The following DNER variants were observed in gnomAD, a reference collection of about 807,000 sequenced individuals.
The protein encoded by DNER is delta/notch like EGF repeat containing, also known as delta and Notch-like epidermal growth factor-related receptor.
DNER carries 33 observed loss-of-function variants against 78.2 expected under a neutral mutation model. The observed-to-expected ratio is 0.42, with a 90% CI of 0.32 to 0.56. The LOEUF (loss-of-function observed/expected upper bound fraction) is 0.56, where lower values mean the gene tolerates loss of function less well. DNER is among the 20% of genes least tolerant of loss of function. The probability of loss-of-function intolerance (pLI) is 0.11; values close to 1 mark genes in which losing one functional copy is unlikely to be tolerated. For synonymous variants in DNER, 417 were observed against 384.8 expected, an observed-to-expected ratio of 1.08 and a Z score of -0.98; for missense variants, 918 against 975.3, an observed-to-expected ratio of 0.94 and a Z score of 0.78.
intron 1 of DNER, among the ~76,000 whole-genome samples, chr2:229,678,276 G>T (rs192840859): frequency 1.3e-5 from 2 of 152,070 alleles, no homozygotes; most frequent in African/African-American, 4.8e-5. Flanking sequence ...GTCGCTTCTC[G>T]ATTCCTTCCA....
chr2:229,524,930 G>C (rs1696178630), intron 5 of DNER, among the ~76,000 whole-genome samples: 1 of 152,192 alleles, frequency 6.6e-6, no homozygotes, highest in African/African-American at 2.4e-5. Flanking sequence ...TGAAACTCAA[G>C]ATCCTGAGAC....
At chr2:229,618,324 A>T (rs73107348) in intron 1 of DNER, among the ~76,000 whole-genome samples, 1,603 of 152,340 alleles carry the variant, frequency 0.011, 32 homozygotes, top group African/African-American at 0.037. Context: ...GGATGACAAC[A>T]GGCCAACACC....
chr2:229,418,264 G>T (rs1436166689), intron 8 of DNER, 34 bp from the exon 9 acceptor site: 1 of 1,612,868 alleles, frequency 6.2e-7, no homozygotes. Context: ...ACTGTCAAAT[G>T]CATCCCATTT....
chr2:229,693,259 C>T (rs890203797), intron 1 of DNER, among the ~76,000 whole-genome samples: 1 of 151,724 alleles, frequency 6.6e-6, no homozygotes, highest in South Asian at 2.1e-4. Context: ...GCATTTGCTT[C>T]CCCTTCCATC....
At chr2:229,555,071 A>G (rs1000560368) in intron 4 of DNER, among the ~76,000 whole-genome samples, 1 of 152,044 alleles carries the variant, frequency 6.6e-6, no homozygotes, top group Non-Finnish European at 1.5e-5. Context: ...TAAAAGTCAG[A>G]GTGAGTGGAG....
At chr2:229,659,532 A>G (rs1171499527) in intron 1 of DNER, among the ~76,000 whole-genome samples, 1 of 152,126 alleles carries the variant, frequency 6.6e-6, no homozygotes, top group Non-Finnish European at 1.5e-5. Flanking sequence ...TAAATCGGGT[A>G]CCGCTCTTAG....
intron 5 of DNER, among the ~76,000 whole-genome samples, chr2:229,536,720 C>T (rs1696411860): frequency 6.6e-6 from 1 of 152,192 alleles, no homozygotes; most frequent in African/African-American, 2.4e-5. Flanking sequence ...GGATTAAAAT[C>T]TAAGAACAAT....
chr2:229,390,750 T>A (rs1254064155), intron 10 of DNER, among the ~76,000 whole-genome samples: 1 of 152,250 alleles, frequency 6.6e-6, no homozygotes, highest in African/African-American at 2.4e-5. Flanking sequence ...CCTATGCCAG[T>A]CAGGGCCCCA....
At position 229,703,478 on chromosome 2, in the gene DNER, A is replaced by T. The variant is rs553226265; in HGVS notation, c.276+10670T>A. Among the ~76,000 whole-genome samples the T allele has an allele frequency of 1.5e-4, 23 of 152,352 alleles. 1 individual carries two copies. The South Asian group carries it at 4.6e-3, about 30-fold the overall frequency. ...GAGGGGATTTTTGTGGCCTTGGGTT[A>T]GGCAAAGATCTCTCAGATAGGACAC... On this transcript the variant is annotated intron_variant, in intron 1 of 12. Coordinates refer to ENST00000341772, the MANE Select transcript of DNER (RefSeq NM_139072.4).
In DNER at chr2:229,466,993, G is replaced by GA. The variant is rs912324912; in HGVS notation, c.1261+10146dup. Among the ~76,000 whole-genome samples the GA allele has an allele frequency of 1.8e-4, 28 of 151,912 alleles. No homozygotes were observed. In the South Asian group the frequency reaches 4.0e-3, roughly 21 times the overall value. ...AGCATAAATTTCTTTGGTCATCAGG[G>GA]AAAAAAAATCACGAAAATGATTTAA... is the stretch of plus-strand genomic sequence containing the variant. On this transcript the variant is annotated intron_variant, in intron 7 of 12. Coordinates refer to ENST00000341772, the MANE Select transcript of DNER (RefSeq NM_139072.4).
chr2:229,564,612 C>T (rs778035044), intron 4 of DNER, among the ~76,000 whole-genome samples: 92 of 150,348 alleles, frequency 6.1e-4, no homozygotes, highest in Non-Finnish European at 1.2e-3. Flanking sequence ...ATCCTCACCA[C>T]ATCACCATCA....
intron 6 of DNER, among the ~76,000 whole-genome samples, chr2:229,499,444 C>CAAA (rs777417272): frequency 0.19 from 14,478 of 74,468 alleles, 967 homozygotes; most frequent in South Asian, 0.3. Context: ...GACTCCAACT[C>CAAA]AAAAAAAAAA....
chr2:229,369,409 C>G (rs1692430041), intron 11 of DNER, among the ~76,000 whole-genome samples: 1 of 145,128 alleles, frequency 6.9e-6, no homozygotes, highest in Non-Finnish European at 1.5e-5. Context: ...AAAGTTTTAA[C>G]TTTCTAAAAA....
intron 4 of DNER, 97 bp downstream of exon 4, chr2:229,585,761 G>A (rs1009678002): frequency 3.0e-6 from 4 of 1,328,986 alleles, no homozygotes; most frequent in Non-Finnish European, 4.2e-6. Context: ...ATAGAATTCA[G>A]ATTATCTGAG....
chr2:229,628,760 A>G (rs1698387948), intron 1 of DNER, among the ~76,000 whole-genome samples: 1 of 152,158 alleles, frequency 6.6e-6, no homozygotes, highest in African/African-American at 2.4e-5. Flanking sequence ...GTAAGTCAAC[A>G]GCTCGTAATC....
intron 7 of DNER, among the ~76,000 whole-genome samples, chr2:229,476,628 T>C (rs1319336366): frequency 1.3e-5 from 2 of 152,174 alleles, no homozygotes; most frequent in South Asian, 2.1e-4. Flanking sequence ...AATAATTTTG[T>C]GAACACCAGC....
chr2:229,402,268 G>A (rs921863135), intron 10 of DNER, among the ~76,000 whole-genome samples: 5 of 152,146 alleles, frequency 3.3e-5, no homozygotes, highest in African/African-American at 1.2e-4. Context: ...TCCAGAATAT[G>A]TAAAGAATTC....
chr2:229,567,560 G>A (rs1473635930), intron 4 of DNER, among the ~76,000 whole-genome samples: 1 of 152,184 alleles, frequency 6.6e-6, no homozygotes, highest in Non-Finnish European at 1.5e-5. Flanking sequence ...AGTGCAGGCA[G>A]TCACCAAAAA....
At chr2:229,384,286 T>C (rs1692812288) in intron 11 of DNER, among the ~76,000 whole-genome samples, 1 of 152,204 alleles carries the variant, frequency 6.6e-6, no homozygotes, top group African/African-American at 2.4e-5. Context: ...TTTATAGCAC[T>C]AAATCCCCAC....
Sources: gnomAD v4.1 joint callset for allele counts (sites outside exome capture counted in the v4.1 genomes callset) on GRCh38, gnomAD v4.1.1 for gene constraint, MANE v1.5 for transcripts, NCBI Gene and HGNC (gene_info 2026-07-23, HGNC 2026-07-21) for gene names.